The following GPC5 variants were observed in gnomAD, a reference collection of about 807,000 sequenced individuals.
GPC5 encodes the protein glypican-5.
A neutral mutation model predicts 53.9 loss-of-function variants in GPC5; 47 were observed. The observed-to-expected ratio is 0.87, with a 90% CI of 0.69 to 1.11. The LOEUF (loss-of-function observed/expected upper bound fraction) is 1.11. Ranked by LOEUF, GPC5 falls within the 50% of genes most tolerant of loss-of-function variation. The pLI, the probability that GPC5 is intolerant of heterozygous loss-of-function variation, is 0.00. For synonymous variants in GPC5, 286 were observed against 263.3 expected, an observed-to-expected ratio of 1.09 and a Z score of -0.84; for missense variants, 748 against 713.1, an observed-to-expected ratio of 1.05 and a Z score of -0.56.
chr13:92,449,748 A>G (rs926920722), intron 7 of GPC5, among the ~76,000 whole-genome samples: 3 of 152,148 alleles, frequency 2.0e-5, no homozygotes, highest in Non-Finnish European at 2.9e-5. Context: ...TGACTTGAGT[A>G]TTACACTTTA....
At chr13:92,305,312 T>G (rs2043103644) in intron 7 of GPC5, among the ~76,000 whole-genome samples, 1 of 152,162 alleles carries the variant, frequency 6.6e-6, no homozygotes, top group Admixed American at 6.5e-5. Flanking sequence ...ATTATTTAAT[T>G]TATTTTTAAA....
intron 7 of GPC5, among the ~76,000 whole-genome samples, chr13:92,540,098 T>C (rs1293053412): frequency 6.6e-6 from 1 of 152,002 alleles, no homozygotes; most frequent in Non-Finnish European, 1.5e-5. Context: ...GTTGGGGCCT[T>C]TCCACATTTG....
intron 7 of GPC5, among the ~76,000 whole-genome samples, chr13:92,350,234 G>A (rs1342103014): frequency 6.6e-6 from 1 of 151,912 alleles, no homozygotes; most frequent in Non-Finnish European, 1.5e-5. Flanking sequence ...GAGTGTACCT[G>A]AACACATTTA....
intron 5 of GPC5, among the ~76,000 whole-genome samples, chr13:91,849,981 G>A (rs2038895235): frequency 6.6e-6 from 1 of 152,176 alleles, no homozygotes; most frequent in African/African-American, 2.4e-5. Context: ...AGGCAAAGAT[G>A]AGGCAGGTAT....
intron 7 of GPC5, among the ~76,000 whole-genome samples, chr13:92,147,926 A>C (rs1172491509): frequency 6.6e-6 from 1 of 152,080 alleles, no homozygotes; most frequent in East Asian, 1.9e-4. Flanking sequence ...CAGTTTGAAT[A>C]TATTGGTAAA....
intron 2 of GPC5, among the ~76,000 whole-genome samples, chr13:91,501,904 C>T (rs1884659207): frequency 6.6e-6 from 1 of 152,176 alleles, no homozygotes; most frequent in South Asian, 2.1e-4. Context: ...CTCTCCAGCA[C>T]CTGTTGTTTC....
chr13:91,448,359 C>A (rs1281836418), intron 1 of GPC5, among the ~76,000 whole-genome samples: 1 of 152,156 alleles, frequency 6.6e-6, no homozygotes, highest in East Asian at 1.9e-4. Context: ...AGTTTCATTT[C>A]CCCATGAAAA....
intron 4 of GPC5, among the ~76,000 whole-genome samples, chr13:91,735,269 G>T (rs2036790003): frequency 6.6e-6 from 1 of 150,688 alleles, no homozygotes; most frequent in Non-Finnish European, 1.5e-5. Flanking sequence ...TATATATAAG[G>T]TAAGTTTCCA....
At chr13:91,867,187 C>G (rs2039094395) in intron 5 of GPC5, among the ~76,000 whole-genome samples, 1 of 152,148 alleles carries the variant, frequency 6.6e-6, no homozygotes, top group Non-Finnish European at 1.5e-5. Context: ...TGTGCTCCAG[C>G]CTGGGAAACA....
chr13:92,405,987 A>C (rs2139342707), intron 7 of GPC5, among the ~76,000 whole-genome samples: 1 of 152,334 alleles, frequency 6.6e-6, no homozygotes. Context: ...TAGAGAATAG[A>C]CATATTTATA....
At chr13:91,795,873 C>T (rs1359689329) in intron 5 of GPC5, among the ~76,000 whole-genome samples, 2 of 152,160 alleles carry the variant, frequency 1.3e-5, no homozygotes, top group Admixed American at 6.5e-5. Flanking sequence ...TTTCTCTTTG[C>T]TGTTAGTGCA....
intron 1 of GPC5, among the ~76,000 whole-genome samples, chr13:91,415,652 T>C (rs1424591480): frequency 1.3e-5 from 2 of 151,916 alleles, no homozygotes; most frequent in African/African-American, 4.8e-5. Context: ...CTTATCAGCT[T>C]TGTGAATTTA....
At chr13:92,197,217 A>T (rs545908593) in intron 7 of GPC5, among the ~76,000 whole-genome samples, 16 of 152,300 alleles carry the variant, frequency 1.1e-4, no homozygotes, top group East Asian at 3.9e-4. Context: ...TGTGAAAAAA[A>T]AATAATAAGA....
intron 3 of GPC5, among the ~76,000 whole-genome samples, chr13:91,728,007 A>G (rs933870723): frequency 4.6e-5 from 7 of 152,284 alleles, no homozygotes; most frequent in Admixed American, 1.3e-4. Flanking sequence ...CCAGACTGAG[A>G]AAGAAGATGC....
Position 92,704,529 on chromosome 13 carries a change from C to T in GPC5, c.1562-161753C>T, listed in dbSNP as rs113644162. Reference sequence around the variant, plus strand: ...CAGAAGCAAAATCCTTTCAAGAATACGGGATTTCAAAATTCATCAAATTAA... The same window carrying T: ...CAGAAGCAAAATCCTTTCAAGAATATGGGATTTCAAAATTCATCAAATTAA... On this transcript the variant is annotated intron_variant, in intron 7 of 7. Transcript: ENST00000377067. Among the ~76,000 whole-genome samples, 979 of 151,970 alleles carry T rather than the reference C, an allele frequency of 6.4e-3. 8 individuals are homozygous for T. Among genetic ancestry groups the T allele is most frequent in the African/African-American group, 0.02 (849 of 41,526 alleles).
chr13:91,754,473 T>G (rs2037246254), intron 4 of GPC5, among the ~76,000 whole-genome samples: 1 of 152,114 alleles, frequency 6.6e-6, no homozygotes, highest in Admixed American at 6.6e-5. Flanking sequence ...CCTTGTGCTA[T>G]CCACCAAGAC....
At chr13:92,827,535 C>T (rs1372565232) in intron 7 of GPC5, among the ~76,000 whole-genome samples, 1 of 152,098 alleles carries the variant, frequency 6.6e-6, no homozygotes, top group East Asian at 1.9e-4. Context: ...CAGTTCTGAG[C>T]TAACTGAGAT....
intron 5 of GPC5, among the ~76,000 whole-genome samples, chr13:91,781,119 AGT>A (rs2037792087): frequency 6.6e-6 from 1 of 152,180 alleles, no homozygotes; most frequent in Admixed American, 6.5e-5. Flanking sequence ...CTTGTGCACA[AGT>A]GCACAAGCTT....
At chr13:92,468,431 C>T (rs1878785971) in intron 7 of GPC5, among the ~76,000 whole-genome samples, 5 of 152,176 alleles carry the variant, frequency 3.3e-5, no homozygotes, top group South Asian at 4.1e-4. Flanking sequence ...AGTAACTTGT[C>T]TTTTCATTTC....
Sources: gnomAD v4.1 joint callset for allele counts (sites outside exome capture counted in the v4.1 genomes callset) on GRCh38, gnomAD v4.1.1 for gene constraint, MANE v1.5 for transcripts, NCBI Gene and HGNC (gene_info 2026-07-23, HGNC 2026-07-21) for gene names.